CCSER1: variants seen among roughly 807,000 people sequenced by gnomAD.
The protein encoded by CCSER1 is coiled-coil serine rich protein 1.
In CCSER1, 41 loss-of-function variants were observed where a neutral mutation model predicts 82.0. The observed-to-expected ratio is 0.50, with a 90% CI of 0.39 to 0.65. CCSER1 has a LOEUF of 0.65. Ranked by LOEUF, CCSER1 falls within the 30% of genes least tolerant of loss-of-function variation. The pLI, the probability that CCSER1 is intolerant of heterozygous loss-of-function variation, is 0.00. For missense variants in CCSER1, 1,119 were observed against 1,064.2 expected, an observed-to-expected ratio of 1.05 and a Z score of -0.72; for synonymous variants, 414 against 383.9, an observed-to-expected ratio of 1.08 and a Z score of -0.92.
intron 10 of CCSER1, among the ~76,000 whole-genome samples, chr4:91,565,146 T>C (rs1376213968): frequency 6.6e-6 from 1 of 151,428 alleles, no homozygotes; most frequent in African/African-American, 2.4e-5. Context: ...GCACCATTTA[T>C]TGAATAGAGA....
chr4:90,953,426 A>G (rs886592686), intron 9 of CCSER1, among the ~76,000 whole-genome samples: 3 of 151,666 alleles, frequency 2.0e-5, no homozygotes, highest in African/African-American at 7.2e-5. Flanking sequence ...AGCAATGTTA[A>G]TTCAGTAAAT....
At chr4:90,952,060 G>C (rs1732973743) in intron 9 of CCSER1, among the ~76,000 whole-genome samples, 1 of 151,946 alleles carries the variant, frequency 6.6e-6, no homozygotes, top group East Asian at 1.9e-4. Flanking sequence ...ATCACATTAT[G>C]AGAAAAATTC....
chr4:90,404,569 G>A (rs1371473751), intron 4 of CCSER1, among the ~76,000 whole-genome samples: 1 of 152,140 alleles, frequency 6.6e-6, no homozygotes, highest in African/African-American at 2.4e-5. Context: ...CAAAACCAGT[G>A]CACTAAACAA....
intron 3 of CCSER1, among the ~76,000 whole-genome samples, chr4:90,340,380 C>T (rs1401564281): frequency 6.6e-6 from 1 of 152,032 alleles, no homozygotes; most frequent in East Asian, 1.9e-4. Flanking sequence ...AGTAAATATC[C>T]TGTGTAATGA....
intron 5 of CCSER1, among the ~76,000 whole-genome samples, chr4:90,481,982 C>G (rs907595806): frequency 3.2e-4 from 49 of 152,314 alleles, no homozygotes; most frequent in African/African-American, 1.0e-3. Flanking sequence ...TAGAATTCGG[C>G]TGTGAATCCA....
chr4:90,442,727 C>T (rs889862223), intron 4 of CCSER1, among the ~76,000 whole-genome samples: 6 of 152,104 alleles, frequency 3.9e-5, no homozygotes, highest in African/African-American at 1.4e-4. Flanking sequence ...ATCTGTTAGC[C>T]CATATAAAAT....
chr4:91,193,945 T>C (rs1735204114), intron 10 of CCSER1, among the ~76,000 whole-genome samples: 1 of 152,130 alleles, frequency 6.6e-6, no homozygotes, highest in African/African-American at 2.4e-5. Flanking sequence ...AACCCACATA[T>C]ATGATTCCTA....
intron 1 of CCSER1, among the ~76,000 whole-genome samples, chr4:90,192,942 A>C (rs551281932): frequency 3.3e-5 from 5 of 152,102 alleles, no homozygotes; most frequent in Non-Finnish European, 7.4e-5. Context: ...TTTCCTTTCC[A>C]GAGAACAGCT....
rs552846400 is a variant in CCSER1, at chr4:91,203,869, A to C, written c.2217+117875A>C. Among the ~76,000 whole-genome samples, 54 of 151,992 alleles carry C rather than the reference A, an allele frequency of 3.6e-4. 1 individual carries two copies. Among genetic ancestry groups the C allele is most frequent in the Admixed American group, 3.5e-3 (54 of 15,222 alleles). Reference sequence around the variant, plus strand: ...TTGAATCTACAGTTCATTAGATCTGAGAGTTTAATAGTGATTAGTAGTAAA... The same window carrying C: ...TTGAATCTACAGTTCATTAGATCTGCGAGTTTAATAGTGATTAGTAGTAAA... On this transcript the variant is annotated intron_variant, in intron 10 of 10. Coordinates refer to ENST00000509176, the MANE Select transcript of CCSER1 (RefSeq NM_001145065.2).
At chr4:90,540,923 T>C (rs1485038870) in intron 5 of CCSER1, among the ~76,000 whole-genome samples, 3 of 152,144 alleles carry the variant, frequency 2.0e-5, no homozygotes, top group African/African-American at 4.8e-5. Flanking sequence ...TAAAATATTA[T>C]GATCATGCAT....
At chr4:91,167,868 C>T (rs937747477) in intron 10 of CCSER1, among the ~76,000 whole-genome samples, 5 of 152,368 alleles carry the variant, frequency 3.3e-5, no homozygotes, top group East Asian at 1.9e-4. Flanking sequence ...ATTATGGCTG[C>T]TCACCCCATC....
Position 90,923,376 on chromosome 4 carries a change from G to C in CCSER1, c.2101G>C (p.Val701Leu). ...ISQLQEELGK[V>L]RHLQKAFASR... ...CTGTTTTTTCATTTTGCAGGGAAAA[G>C]TCCGGCATTTACAGAAGGCTTTTGC... Residue 701 changes from valine (V) to leucine (L), a missense_variant, in exon 9 of 11, where the codon GTC becomes CTC. Physicochemically the swap from Val to Leu is conservative, Grantham distance 32. Transcript: ENST00000509176. 3.2e-6 allele frequency: 5 copies of C among 1,551,254 alleles called. No individual in the cohort carries two copies. The highest frequency in any genetic ancestry group is 3.5e-6 in the Non-Finnish European group (4 of 1,146,618).
intron 10 of CCSER1, among the ~76,000 whole-genome samples, chr4:91,305,905 C>G (rs1745033438): frequency 6.6e-6 from 1 of 151,588 alleles, no homozygotes; most frequent in Non-Finnish European, 1.5e-5. Flanking sequence ...TGTGAGACCC[C>G]CCCTCACTAT....
chr4:90,548,392 G>A (rs998792743), intron 5 of CCSER1, among the ~76,000 whole-genome samples: 2 of 152,032 alleles, frequency 1.3e-5, no homozygotes, highest in African/African-American at 4.8e-5. Flanking sequence ...TTGCACATGA[G>A]CATACACACA....
intron 8 of CCSER1, among the ~76,000 whole-genome samples, chr4:90,919,917 T>G (rs1231559087): frequency 6.6e-6 from 1 of 151,976 alleles, no homozygotes; most frequent in Non-Finnish European, 1.5e-5. Flanking sequence ...ATCATAAATG[T>G]GAAAAAATAA....
chr4:90,433,461 A>G (rs1758578739), intron 4 of CCSER1, among the ~76,000 whole-genome samples: 2 of 152,114 alleles, frequency 1.3e-5, no homozygotes, highest in Admixed American at 1.3e-4. Context: ...AGAGTCCCCA[A>G]GACCATTTCT....
At chr4:90,704,159 G>A (rs1161548122) in intron 6 of CCSER1, among the ~76,000 whole-genome samples, 1 of 152,114 alleles carries the variant, frequency 6.6e-6, no homozygotes, top group Non-Finnish European at 1.5e-5. Context: ...GCTCTTTTAG[G>A]GCAGGCCTGG....
At chr4:90,403,325 C>T (rs1004963779) in intron 4 of CCSER1, among the ~76,000 whole-genome samples, 1 of 151,348 alleles carries the variant, frequency 6.6e-6, no homozygotes, top group South Asian at 2.1e-4. Flanking sequence ...CGGTGAAACC[C>T]CGTCTCTACT....
chr4:90,903,196 G>T (rs1283622381), intron 8 of CCSER1, among the ~76,000 whole-genome samples: 1 of 152,034 alleles, frequency 6.6e-6, no homozygotes, highest in Non-Finnish European at 1.5e-5. Context: ...GTATCTCCCA[G>T]AATTCCCATG....
Sources: allele counts gnomAD v4.1 joint callset (sites outside exome capture counted in the v4.1 genomes callset), GRCh38; gene constraint gnomAD v4.1.1; transcripts MANE v1.5; gene names NCBI Gene and HGNC (gene_info 2026-07-23, HGNC 2026-07-21).